MTUS1: variants seen among roughly 807,000 people sequenced by gnomAD.
MTUS1 encodes the protein microtubule associated scaffold protein 1, also known as microtubule-associated tumor suppressor 1.
Under a neutral mutation model 120.8 loss-of-function variants are expected in MTUS1, and 109 were observed. The observed-to-expected ratio is 0.90, with a 90% confidence interval of 0.77 to 1.06. MTUS1 has a LOEUF of 1.06. Ranked by LOEUF, MTUS1 falls within the 50% of genes least tolerant of loss-of-function variation. The probability of loss-of-function intolerance (pLI) is 0.00; values close to 1 mark genes in which losing one functional copy is unlikely to be tolerated. For missense variants in MTUS1, 2,210 were observed against 1,486.3 expected (o/e 1.49, Z -8.01); for synonymous variants, 737 against 550.5 (o/e 1.34, Z -4.74).
rs765661682 is a variant in MTUS1, at chr8:17,754,704, C to T, written c.1104G>A (p.Glu368=). The T allele has an allele frequency of 2.5e-6, 4 of 1,614,122 alleles. No individual in the cohort carries two copies. The East Asian group carries it at 6.7e-5, about 27-fold the overall frequency. The change falls in exon 2 of 15, where the codon GAG becomes GAA. Residue 368 remains glutamate (E), a synonymous_variant. Coordinates refer to ENST00000693296, the MANE Select transcript of MTUS1 (RefSeq NM_001363059.2). The part of the protein sequence containing the change: ...DKSEAQVLNP[E]HKVTETEDTQ... ...TGTCTTCAGTCTCAGTGACTTTATG[C>T]TCTGGGTTCAGCACTTGAGCTTCGC...
chr8:17,739,449 C>T (rs1265076104), intron 3 of MTUS1, among the ~76,000 whole-genome samples: 2 of 112,766 alleles, frequency 1.8e-5, no homozygotes, highest in African/African-American at 2.9e-5. Flanking sequence ...GCCACGATTG[C>T]GTCAATTGCA....
chr8:17,738,265 T>G (rs888840910), intron 3 of MTUS1, among the ~76,000 whole-genome samples: 1 of 152,174 alleles, frequency 6.6e-6, no homozygotes, highest in African/African-American at 2.4e-5. Flanking sequence ...TCACCATTCT[T>G]TGTGCCGCTT....
intron 6 of MTUS1, among the ~76,000 whole-genome samples, chr8:17,712,156 C>G (rs1821431301): frequency 1.3e-5 from 2 of 152,290 alleles, no homozygotes; most frequent in South Asian, 4.2e-4. Context: ...GGTAGAGTTG[C>G]AAAAAGCACA....
At chr8:17,776,269 T>A (rs372572235) in intron 1 of MTUS1, among the ~76,000 whole-genome samples, 1 of 152,060 alleles carries the variant, frequency 6.6e-6, no homozygotes, top group Non-Finnish European at 1.5e-5. Flanking sequence ...TGTGTTTTTA[T>A]ATGCAAAGAC....
At chr8:17,799,510 T>G (rs2052512637) in intron 1 of MTUS1, among the ~76,000 whole-genome samples, 2 of 152,198 alleles carry the variant, frequency 1.3e-5, no homozygotes, top group African/African-American at 4.8e-5. Flanking sequence ...TACCTATTTT[T>G]ATACAGCAAG....
chr8:17,669,823 T>A (rs1811646236), intron 8 of MTUS1, among the ~76,000 whole-genome samples: 1 of 150,626 alleles, frequency 6.6e-6, no homozygotes, highest in African/African-American at 2.4e-5. Flanking sequence ...CCAGCATGGG[T>A]GACAGGGTAG....
chr8:17,672,596 TG>T (rs1261769313), intron 8 of MTUS1, among the ~76,000 whole-genome samples: 1 of 152,170 alleles, frequency 6.6e-6, no homozygotes, highest in African/African-American at 2.4e-5. Context: ...TCATCACAAG[TG>T]TTTACAGGTT....
intron 6 of MTUS1, chr8:17,693,262 G>A (rs1347431866): frequency 2.6e-5 from 4 of 152,266 alleles, no homozygotes; most frequent in Admixed American, 2.0e-4. Flanking sequence ...CCTTCTCCAT[G>A]TCAGTGACGT....
At chr8:17,715,734 C>A (rs1273903473) in intron 5 of MTUS1, 33 bp downstream of exon 5, 1 of 1,578,060 alleles carries the variant, frequency 6.3e-7, no homozygotes, top group East Asian at 2.3e-5. Flanking sequence ...AAGCGTCTTG[C>A]CCTCCCTCTT....
rs2131348709 is a variant in MTUS1, at chr8:17,755,966, A to G, written c.-154-5T>C. On this transcript the variant is annotated splice_polypyrimidine_tract_variant and splice_region_variant and intron_variant, in intron 1 of 14. Coordinates refer to ENST00000693296, the MANE Select transcript of MTUS1 (RefSeq NM_001363059.2). Reference sequence around the variant, plus strand: ...GATTAAATGATTTGTTGTTCCCTGGAAGAAATAAAATGTTTAACTCAAGTA... The same window carrying G: ...GATTAAATGATTTGTTGTTCCCTGGGAGAAATAAAATGTTTAACTCAAGTA... The G allele has an allele frequency of 2.1e-6, 3 of 1,415,338 alleles. No homozygotes were observed. The South Asian group carries it at 4.8e-5, about 23-fold the overall frequency. The allele number at this position is 1,415,338 out of a possible 1,614,324, so 87.7% of individuals were successfully genotyped here.
intron 12 of MTUS1, 137 bp downstream of exon 12, chr8:17,653,049 A>G: frequency 1.7e-6 from 1 of 574,248 alleles, no homozygotes; most frequent in Admixed American, 3.9e-5. Flanking sequence ...TGTTTTACAC[A>G]CCTTAGAAAG....
At chr8:17,797,529 G>T (rs948772471) in intron 1 of MTUS1, among the ~76,000 whole-genome samples, 2 of 152,208 alleles carry the variant, frequency 1.3e-5, no homozygotes, top group African/African-American at 4.8e-5. Flanking sequence ...GGTCAAAGTA[G>T]GCTTTTCGGG....
intron 3 of MTUS1, among the ~76,000 whole-genome samples, chr8:17,740,209 A>C (rs1338154913): frequency 3.9e-5 from 4 of 103,716 alleles, no homozygotes; most frequent in Non-Finnish European, 9.2e-5. Context: ...CTCCGTCTCA[A>C]AAAAAAAAAA....
At chr8:17,774,626 T>C (rs777383543) in intron 1 of MTUS1, among the ~76,000 whole-genome samples, 1 of 152,170 alleles carries the variant, frequency 6.6e-6, no homozygotes, top group Non-Finnish European at 1.5e-5. Context: ...TGGAACCCCC[T>C]TGCGTTGCTG....
chr8:17,793,876 G>C (rs1267188373), intron 1 of MTUS1, among the ~76,000 whole-genome samples: 1 of 152,074 alleles, frequency 6.6e-6, no homozygotes, highest in South Asian at 2.1e-4. Flanking sequence ...AGAATATTTC[G>C]AACAACACAA....
At chr8:17,671,080 T>C (rs1811921374) in intron 8 of MTUS1, among the ~76,000 whole-genome samples, 1 of 152,134 alleles carries the variant, frequency 6.6e-6, no homozygotes, top group South Asian at 2.1e-4. Flanking sequence ...TAGGAGTATA[T>C]GTCTGTCAAA....
chr8:17,788,301 C>T (rs2051477819), intron 1 of MTUS1, among the ~76,000 whole-genome samples: 1 of 152,186 alleles, frequency 6.6e-6, no homozygotes, highest in Admixed American at 6.5e-5. Context: ...TAGTGAACAG[C>T]AGTGTGTATT....
At chr8:17,679,273 A>G (rs556893762) in intron 7 of MTUS1, among the ~76,000 whole-genome samples, 1 of 152,018 alleles carries the variant, frequency 6.6e-6, no homozygotes, top group East Asian at 1.9e-4. Context: ...TAGGTATATC[A>G]TGTATATAAA....
chr8:17,729,763 A>G (rs1277912338), intron 3 of MTUS1, among the ~76,000 whole-genome samples: 1 of 152,114 alleles, frequency 6.6e-6, no homozygotes, highest in Non-Finnish European at 1.5e-5. Context: ...ATAGCCAAAA[A>G]AAAATTTAGA....
Sources: allele counts gnomAD v4.1 joint callset (sites outside exome capture counted in the v4.1 genomes callset), GRCh38; gene constraint gnomAD v4.1.1; transcripts MANE v1.5; gene names NCBI Gene and HGNC (gene_info 2026-07-23, HGNC 2026-07-21).